HIPK2: variants seen among roughly 807,000 people sequenced by gnomAD.
HIPK2 encodes the protein homeodomain interacting protein kinase 2, also known as homeodomain-interacting protein kinase 2.
Under a neutral mutation model 113.7 loss-of-function variants are expected in HIPK2, and 27 were observed. That is an observed-to-expected ratio of 0.24 (90% confidence interval 0.17 to 0.33). The LOEUF is 0.33. HIPK2 is among the 10% of genes least tolerant of loss of function. The pLI is 1.00. For missense variants in HIPK2, 1,257 were observed against 1,588.0 expected (o/e 0.79, Z 3.54); for synonymous variants, 631 against 642.2 (o/e 0.98, Z 0.26).
At chr7:139,582,756 C>T (rs1237255108) in intron 13 of HIPK2, among the ~76,000 whole-genome samples, 3 of 152,274 alleles carry the variant, frequency 2.0e-5, no homozygotes, top group Admixed American at 1.3e-4. Context: ...CCATCCCAGG[C>T]AATGCCATGA....
chr7:139,717,898 C>T (rs914206796), intron 1 of HIPK2, among the ~76,000 whole-genome samples: 2 of 151,610 alleles, frequency 1.3e-5, no homozygotes, highest in Non-Finnish European at 3.0e-5. Flanking sequence ...TTCCTGCCAC[C>T]ACGCCCGACT....
intron 1 of HIPK2, among the ~76,000 whole-genome samples, chr7:139,755,622 C>T (rs547137795): frequency 6.6e-6 from 1 of 152,376 alleles, no homozygotes; most frequent in Non-Finnish European, 1.5e-5. Context: ...CTCAGAACTA[C>T]CAGCCTCTCT....
chr7:139,629,431 T>C (rs1012370929), intron 4 of HIPK2, among the ~76,000 whole-genome samples: 3 of 152,256 alleles, frequency 2.0e-5, no homozygotes, highest in South Asian at 4.1e-4. Flanking sequence ...CTTATGCACA[T>C]AGCTCTTGCT....
intron 9 of HIPK2, among the ~76,000 whole-genome samples, chr7:139,611,785 C>T (rs1209802976): frequency 6.6e-6 from 1 of 152,038 alleles, no homozygotes; most frequent in East Asian, 1.9e-4. Context: ...CTCAAGTGAT[C>T]CTCTCATCTC....
chr7:139,777,616 G>C lies in HIPK2; in HGVS notation c.8C>G (p.Pro3Arg). 9.3e-7 allele frequency: 1 copy of C among 1,076,474 alleles called. No homozygotes were observed. Among genetic ancestry groups the C allele is most frequent in the Non-Finnish European group, 1.1e-6 (1 of 886,702 alleles). The allele number at this position is 1,076,474 out of a possible 1,614,324, so 66.7% of individuals were successfully genotyped here. Residue 3 changes from proline to arginine, a missense_variant, in exon 1 of 15, where the codon CCC (proline) becomes CGC (arginine). Physicochemically the swap from Pro to Arg is moderately radical, Grantham distance 103. Coordinates refer to ENST00000406875, the MANE Select transcript of HIPK2 (RefSeq NM_022740.5). ...CGGGCGCCCCTTACCTTCGTACACG[G>C]GGGCCATCGGGGCCGGGGTGTCCGC... MA[P>R]VYEGMASHVQ...
At chr7:139,722,448 C>T (rs749840266) in intron 1 of HIPK2, among the ~76,000 whole-genome samples, 8 of 152,286 alleles carry the variant, frequency 5.3e-5, no homozygotes, top group Non-Finnish European at 1.0e-4. Context: ...TCTCATTTTG[C>T]ATTTATAAAA....
intron 1 of HIPK2, among the ~76,000 whole-genome samples, chr7:139,722,923 G>A (rs1216285041): frequency 6.6e-6 from 1 of 151,728 alleles, no homozygotes; most frequent in Non-Finnish European, 1.5e-5. Context: ...GAGTGCAGTG[G>A]TGCAATCATA....
At chr7:139,652,933 A>G (rs1801515927) in intron 2 of HIPK2, among the ~76,000 whole-genome samples, 1 of 152,004 alleles carries the variant, frequency 6.6e-6, no homozygotes, top group African/African-American at 2.4e-5. Flanking sequence ...ATTTGAGGTC[A>G]GGAGTTTGAG....
chr7:139,619,943 G>A (rs1800178361), intron 7 of HIPK2, among the ~76,000 whole-genome samples: 1 of 152,008 alleles, frequency 6.6e-6, no homozygotes, highest in South Asian at 2.1e-4. Flanking sequence ...TGTATTTTCT[G>A]TAGAGATGGC....
chr7:139,746,356 G>A (rs933331432), intron 1 of HIPK2, among the ~76,000 whole-genome samples: 2 of 152,120 alleles, frequency 1.3e-5, no homozygotes, highest in Non-Finnish European at 2.9e-5. Context: ...TGTCACTGGG[G>A]ACCTCAGGGT....
At chr7:139,722,198 T>C (rs1242288647) in intron 1 of HIPK2, among the ~76,000 whole-genome samples, 1 of 152,220 alleles carries the variant, frequency 6.6e-6, no homozygotes, top group Non-Finnish European at 1.5e-5. Flanking sequence ...CAACTATATA[T>C]AATAAACTCT....
intron 2 of HIPK2, among the ~76,000 whole-genome samples, chr7:139,654,429 C>T (rs1404091798): frequency 2.6e-5 from 4 of 152,098 alleles, no homozygotes; most frequent in African/African-American, 7.2e-5. Context: ...AGGAGTACTG[C>T]TTGAGTCTGA....
At chr7:139,643,459 G>A (rs374186172) in intron 2 of HIPK2, among the ~76,000 whole-genome samples, 1 of 152,024 alleles carries the variant, frequency 6.6e-6, no homozygotes, top group Non-Finnish European at 1.5e-5. Flanking sequence ...TCTGCTAAGC[G>A]TAGCACCAAA....
In HIPK2 at chr7:139,633,095, C is replaced by CAAAAAAAAA. The variant is rs942820284; in HGVS notation, c.1104-1379_1104-1371dup. Among the ~76,000 whole-genome samples the CAAAAAAAAA allele has an allele frequency of 1.4e-3, 105 of 74,440 alleles. 1 individual carries two copies. Among genetic ancestry groups the CAAAAAAAAA allele is most frequent in the East Asian group, 1.7e-3 (3 of 1,748 alleles). 48.8% of individuals were successfully genotyped at this position (74,440 alleles called of 152,430 possible). Reference sequence around the variant, plus strand: ...TGGACGACAGAAATAGACCCTGTCTCAAAAAAAAAAAAAAAAAAAAAAAAG... The same window carrying CAAAAAAAAA: ...TGGACGACAGAAATAGACCCTGTCTCAAAAAAAAAAAAAAAAAAAAAAAAAAAAAAAAAG... On this transcript the variant is annotated intron_variant, in intron 2 of 14. Coordinates refer to ENST00000406875, the MANE Select transcript of HIPK2 (RefSeq NM_022740.5).
rs766010178 is a variant in HIPK2, at chr7:139,596,837, G to C, written c.2597C>G (p.Thr866Ser). 3.7e-6 allele frequency: 6 copies of C among 1,613,874 alleles called. No individual in the cohort carries two copies. The highest frequency in any genetic ancestry group is 5.1e-6 in the Non-Finnish European group (6 of 1,179,890). Residue 866 changes from threonine (T) to serine (S), a missense_variant, in exon 12 of 15, where the codon ACC (threonine) becomes AGC (serine). Physicochemically the swap from Thr to Ser is moderately conservative, Grantham distance 58. Transcript: ENST00000406875. ...TGTCTGCCGCTGCCGTTCCCGGGTG[G>C]TGCTGGAGGCCACGTCGCCCCACCC... ...TCGWGDVASS[T>S]TRERQRQTIV... is the part of the protein sequence containing the mutation.
At chr7:139,665,107 G>A (rs905905117) in intron 2 of HIPK2, among the ~76,000 whole-genome samples, 6 of 150,682 alleles carry the variant, frequency 4.0e-5, no homozygotes, top group African/African-American at 2.4e-5. Flanking sequence ...GTACAATCAT[G>A]GCTCCCTGCA....
intron 2 of HIPK2, among the ~76,000 whole-genome samples, chr7:139,708,042 C>G (rs1470804320): frequency 1.3e-5 from 2 of 152,008 alleles, no homozygotes; most frequent in East Asian, 1.9e-4. Context: ...ATCTGACAAA[C>G]GGGCCCTGCA....
chr7:139,735,491 G>A (rs1268535146), intron 1 of HIPK2, among the ~76,000 whole-genome samples: 2 of 152,214 alleles, frequency 1.3e-5, no homozygotes, highest in Admixed American at 6.5e-5. Flanking sequence ...AGGACAGAGT[G>A]AGCAGCATCC....
intron 2 of HIPK2, among the ~76,000 whole-genome samples, chr7:139,651,689 G>A (rs1178309660): frequency 6.6e-6 from 1 of 152,160 alleles, no homozygotes; most frequent in Non-Finnish European, 1.5e-5. Flanking sequence ...CTGTGGAGAG[G>A]TACACAATTT....
Sources: gnomAD v4.1 joint callset for allele counts (sites outside exome capture counted in the v4.1 genomes callset) on GRCh38, gnomAD v4.1.1 for gene constraint, MANE v1.5 for transcripts, NCBI Gene and HGNC (gene_info 2026-07-23, HGNC 2026-07-21) for gene names.